ADAM10: variants seen among roughly 807,000 people sequenced by gnomAD.
ADAM10 encodes ADAM metallopeptidase domain 10.
Under a neutral mutation model 90.1 loss-of-function variants are expected in ADAM10, and 17 were observed. The observed-to-expected ratio is 0.19, with a 90% CI of 0.13 to 0.28. The LOEUF is 0.28. Ranked by LOEUF, ADAM10 falls within the 10% of genes least tolerant of loss-of-function variation. The pLI, the probability that ADAM10 is intolerant of heterozygous loss-of-function variation, is 1.00. For synonymous variants in ADAM10, 310 were observed against 298.6 expected, an observed-to-expected ratio of 1.04 and a Z score of -0.40; for missense variants, 610 against 914.3, an observed-to-expected ratio of 0.67 and a Z score of 4.29.
chr15:58,699,970 T>G (rs1308378711), intron 2 of ADAM10, among the ~76,000 whole-genome samples: 1 of 152,116 alleles, frequency 6.6e-6, no homozygotes, highest in Non-Finnish European at 1.5e-5. Context: ...TCATCTTACC[T>G]GTAAAGACAC....
At chr15:58,647,754 T>C (rs1435500536) in intron 5 of ADAM10, among the ~76,000 whole-genome samples, 1 of 152,158 alleles carries the variant, frequency 6.6e-6, no homozygotes, top group Non-Finnish European at 1.5e-5. Flanking sequence ...GGTCTTCCTA[T>C]GTTGCCCAGG....
intron 2 of ADAM10, among the ~76,000 whole-genome samples, chr15:58,687,132 T>C (rs188388310): frequency 6.6e-6 from 1 of 152,342 alleles, no homozygotes; most frequent in Admixed American, 6.5e-5. Context: ...GGAGGAAGAA[T>C]AGGCTTTACT....
At chr15:58,693,083 A>T (rs1303823472) in intron 2 of ADAM10, 1 of 746,614 alleles carries the variant, frequency 1.3e-6, no homozygotes, top group Non-Finnish European at 2.5e-6. Flanking sequence ...TCCTGAAGGA[A>T]AATCTCCTTG....
chr15:58,689,950 C>CT (rs1555418412), intron 2 of ADAM10, among the ~76,000 whole-genome samples: 1 of 132,728 alleles, frequency 7.5e-6, no homozygotes, highest in African/African-American at 2.8e-5. Context: ...ACAGACCCCC[C>CT]CCAAAAAAAA....
chr15:58,702,953 G>A (rs116952818), intron 2 of ADAM10, among the ~76,000 whole-genome samples: 75 of 152,202 alleles, frequency 4.9e-4, no homozygotes, highest in East Asian at 1.5e-3. Context: ...AATTTATTCC[G>A]TTAACCAAGC....
At chr15:58,712,257 T>C (rs1429294627) in intron 2 of ADAM10, among the ~76,000 whole-genome samples, 4 of 152,012 alleles carry the variant, frequency 2.6e-5, no homozygotes, top group African/African-American at 9.7e-5. Flanking sequence ...AAGTACATGA[T>C]GGTTAAGATA....
intron 1 of ADAM10, among the ~76,000 whole-genome samples, chr15:58,728,160 A>T (rs1164185602): frequency 6.6e-6 from 1 of 152,210 alleles, no homozygotes; most frequent in Non-Finnish European, 1.5e-5. Context: ...TGACTACAGG[A>T]GAATTAAGCC....
chr15:58,658,947 G>A (rs1325677724), intron 5 of ADAM10, among the ~76,000 whole-genome samples: 2 of 151,900 alleles, frequency 1.3e-5, no homozygotes, highest in African/African-American at 4.8e-5. Flanking sequence ...TTATTATGGT[G>A]GCTAGGACTT....
In ADAM10 at chr15:58,590,445, TGTGA is replaced by T. The variant is rs1292423331; in HGVS notation, c.*7098_*7101del. On this transcript the variant is annotated 3_prime_UTR_variant, in exon 16 of 16. Coordinates refer to ENST00000260408, the MANE Select transcript of ADAM10 (RefSeq NM_001110.4). Reference sequence around the variant, plus strand: ...CACAATCAAGTGCCTAAGAAGTATCTGTGAGTAAGGTAACTGGTCAATGCATATC... The same window carrying T: ...CACAATCAAGTGCCTAAGAAGTATCTGTAAGGTAACTGGTCAATGCATATC... 1.3e-5 allele frequency: 2 copies of T among 152,212 alleles called. No individual in the cohort carries two copies. The highest frequency in any genetic ancestry group is 4.8e-5 in the African/African-American group (2 of 41,434). 9.4% of individuals were successfully genotyped at this position (152,212 alleles called of 1,614,324 possible). A position where few individuals can be genotyped will look rare whatever the true frequency, so the allele number is the denominator to read the frequency against.
chr15:58,655,944 G>A (rs913795343), intron 5 of ADAM10, among the ~76,000 whole-genome samples: 5 of 150,600 alleles, frequency 3.3e-5, no homozygotes, highest in Non-Finnish European at 5.9e-5. Context: ...ACAGGATTTC[G>A]CCATGTTGGC....
At chr15:58,603,707 C>G (rs1468220296) in intron 14 of ADAM10, among the ~76,000 whole-genome samples, 1 of 151,740 alleles carries the variant, frequency 6.6e-6, no homozygotes, top group Admixed American at 6.6e-5. Context: ...AGATAGACCA[C>G]TATGTAGGAG....
At chr15:58,637,644 A>G (rs1596015787) in intron 8 of ADAM10, among the ~76,000 whole-genome samples, 1 of 152,256 alleles carries the variant, frequency 6.6e-6, no homozygotes, top group East Asian at 1.9e-4. Context: ...AGCAGAAAAC[A>G]TTTCAGCTTC....
chr15:58,679,391 T>C lies in ADAM10; in HGVS notation c.326-109A>G, dbSNP rs963329128. 6.8e-6 allele frequency: 6 copies of C among 886,666 alleles called. No homozygotes were observed. In the Admixed American group the frequency reaches 8.4e-5, roughly 12 times the overall value. 54.9% of individuals were successfully genotyped at this position (886,666 alleles called of 1,614,324 possible). ...ATATATATACACACATGCATACATA[T>C]ATACACATATATATGGTTAAATCTT... On this transcript the variant is annotated intron_variant, in intron 3 of 15. Transcript: ENST00000260408.
intron 14 of ADAM10, among the ~76,000 whole-genome samples, chr15:58,606,488 C>T (rs1895277790): frequency 6.6e-6 from 1 of 152,222 alleles, no homozygotes; most frequent in African/African-American, 2.4e-5. Context: ...CTTCATTCAT[C>T]TAGCAAATGT....
intron 1 of ADAM10, among the ~76,000 whole-genome samples, chr15:58,719,060 A>T (rs1898758678): frequency 6.6e-6 from 1 of 152,214 alleles, no homozygotes; most frequent in Admixed American, 6.5e-5. Context: ...GTGGTGGCTC[A>T]CGCCTGTAAT....
intron 2 of ADAM10, among the ~76,000 whole-genome samples, chr15:58,695,943 C>T (rs1386652085): frequency 1.3e-5 from 2 of 151,994 alleles, no homozygotes; most frequent in African/African-American, 4.8e-5. Context: ...ATGGTGAAAC[C>T]CCATCTCTAC....
chr15:58,651,240 T>C (rs1896679763), intron 5 of ADAM10, among the ~76,000 whole-genome samples: 1 of 152,190 alleles, frequency 6.6e-6, no homozygotes, highest in African/African-American at 2.4e-5. Context: ...GCATTTATCC[T>C]TTTTGTTACA....
chr15:58,650,994 G>T (rs906815263), intron 5 of ADAM10, among the ~76,000 whole-genome samples: 1 of 151,874 alleles, frequency 6.6e-6, no homozygotes, highest in East Asian at 1.9e-4. Context: ...ATACTGAAAA[G>T]TCTTACATAT....
chr15:58,664,259 C>T (rs1362407622), intron 5 of ADAM10, among the ~76,000 whole-genome samples: 1 of 152,016 alleles, frequency 6.6e-6, no homozygotes, highest in Non-Finnish European at 1.5e-5. Context: ...ATACTTAACC[C>T]TCTCCTACTA....
Sources: allele counts gnomAD v4.1 joint callset (sites outside exome capture counted in the v4.1 genomes callset), GRCh38; gene constraint gnomAD v4.1.1; transcripts MANE v1.5; gene names NCBI Gene and HGNC (gene_info 2026-07-23, HGNC 2026-07-21).